The following TNS3 variants were observed in gnomAD, a reference collection of about 807,000 sequenced individuals.
The protein encoded by TNS3 is tensin-3.
In TNS3, 45 loss-of-function variants were observed where a neutral mutation model predicts 140.9. The ratio of observed to expected loss-of-function variants is 0.32; its 90% CI spans 0.25 to 0.41. The LOEUF (loss-of-function observed/expected upper bound fraction) is 0.41, where lower values mean the gene tolerates loss of function less well. Among genes scored for constraint, TNS3 ranks in the 10% least tolerant of loss-of-function variants. The pLI is 1.00. For missense variants in TNS3, 1,716 were observed against 1,906.7 expected (o/e 0.90, Z 1.86); for synonymous variants, 815 against 788.4 (o/e 1.03, Z -0.56).
At chr7:47,485,874 G>A (rs886818075) in intron 3 of TNS3, among the ~76,000 whole-genome samples, 1 of 152,234 alleles carries the variant, frequency 6.6e-6, no homozygotes, top group Admixed American at 6.5e-5. Flanking sequence ...GAGGGGCAGA[G>A]GGACAAGTGC....
At chr7:47,487,966 C>T (rs566984247) in intron 3 of TNS3, among the ~76,000 whole-genome samples, 8 of 152,168 alleles carry the variant, frequency 5.3e-5, no homozygotes, top group Admixed American at 1.3e-4. Flanking sequence ...CAGATACGGA[C>T]GCCAAATATT....
chr7:47,392,598 G>T (rs1182379670), intron 16 of TNS3, among the ~76,000 whole-genome samples: 1 of 152,218 alleles, frequency 6.6e-6, no homozygotes, highest in Non-Finnish European at 1.5e-5. Flanking sequence ...TCAAAGCACT[G>T]GACAGCTCTG....
intron 15 of TNS3, among the ~76,000 whole-genome samples, chr7:47,397,670 G>C (rs1792915677): frequency 1.3e-5 from 2 of 152,112 alleles, no homozygotes; most frequent in East Asian, 3.9e-4. Context: ...AAAACCTCTG[G>C]GATACAGCAA....
chr7:47,489,174 C>G (rs920079061), intron 3 of TNS3, among the ~76,000 whole-genome samples: 3 of 152,136 alleles, frequency 2.0e-5, no homozygotes, highest in African/African-American at 7.2e-5. Flanking sequence ...GCCCGGCAGA[C>G]GCAATTAAAC....
At chr7:47,467,578 C>T (rs1796772063) in intron 4 of TNS3, among the ~76,000 whole-genome samples, 1 of 152,146 alleles carries the variant, frequency 6.6e-6, no homozygotes, top group African/African-American at 2.4e-5. Context: ...TGTCCTGATG[C>T]TGGCAGACTG....
chr7:47,309,998 C>A (rs1289857726), intron 20 of TNS3, among the ~76,000 whole-genome samples: 5 of 152,196 alleles, frequency 3.3e-5, no homozygotes, highest in Non-Finnish European at 5.9e-5. Flanking sequence ...GCCATTTTTC[C>A]TTCTCAGACA....
chr7:47,500,331 G>A (rs746273509), intron 3 of TNS3, among the ~76,000 whole-genome samples: 4 of 152,216 alleles, frequency 2.6e-5, no homozygotes, highest in Non-Finnish European at 5.9e-5. Context: ...GGGAGGAGAA[G>A]GGATGCCCGT....
At chr7:47,523,243 C>T (rs763088065) in intron 2 of TNS3, among the ~76,000 whole-genome samples, 1 of 152,260 alleles carries the variant, frequency 6.6e-6, no homozygotes, top group African/African-American at 2.4e-5. Flanking sequence ...TGAGGCTCCA[C>T]TCACAAAACA....
chr7:47,439,591 T>C lies in TNS3; in HGVS notation c.46A>G (p.Ile16Val), dbSNP rs1795360055. The change falls in exon 6 of 31, where the codon ATC becomes GTC. Residue 16 changes from isoleucine to valine, a missense_variant. This residue lies in a region of TNS3 where 337 missense variants were observed against 428.9 expected (regional missense o/e 0.79). Transcript: ENST00000311160. ...CCGGCAGGGAAGGACACAGCGATGATGCGCTCCGTGATGTAAGTGAGGTCC... is the reference window on the plus strand; with the variant it reads ...CCGGCAGGGAAGGACACAGCGATGACGCGCTCCGTGATGTAAGTGAGGTCC... ...GLDLTYITER[I>V]IAVSFPAGCS... The C allele has an allele frequency of 3.7e-6, 6 of 1,613,992 alleles. No homozygotes were observed. The highest frequency in any genetic ancestry group is 2.7e-5 in the African/African-American group (2 of 74,938).
At chr7:47,326,108 G>A (rs1788012199) in intron 20 of TNS3, among the ~76,000 whole-genome samples, 1 of 152,168 alleles carries the variant, frequency 6.6e-6, no homozygotes, top group African/African-American at 2.4e-5. Context: ...GTAAAATCCT[G>A]TTTATATGAC....
At chr7:47,330,234 G>A (rs1788258513) in intron 20 of TNS3, among the ~76,000 whole-genome samples, 1 of 152,112 alleles carries the variant, frequency 6.6e-6, no homozygotes, top group Non-Finnish European at 1.5e-5. Context: ...AAGCAGGGGT[G>A]CAAATCAGAC....
intron 5 of TNS3, among the ~76,000 whole-genome samples, chr7:47,440,782 G>A (rs1348006135): frequency 6.6e-6 from 1 of 152,226 alleles, no homozygotes; most frequent in African/African-American, 2.4e-5. Flanking sequence ...AGGCATGGGT[G>A]CACGGGACGT....
chr7:47,515,922 G>C (rs1798764028), intron 2 of TNS3, among the ~76,000 whole-genome samples: 1 of 152,158 alleles, frequency 6.6e-6, no homozygotes, highest in Admixed American at 6.5e-5. Flanking sequence ...AGCAGAAAGA[G>C]GCAGAGCAGG....
Position 47,369,191 on chromosome 7 carries a change from G to A in TNS3, c.1455C>T (p.His485=), listed in dbSNP as rs745634291. 1.7e-5 allele frequency: 27 copies of A among 1,613,856 alleles called. No individual in the cohort carries two copies. The Middle Eastern group carries it at 4.9e-4, about 29-fold the overall frequency. ...CAAGGCTGTCCACACTGTGCAGGTC[G>A]TGGTGGGGCATCTCGTCATCCAGAA... is the stretch of plus-strand genomic sequence containing the variant. ...TDILDDEMPH[H]DLHSVDSLGT... The change falls in exon 17 of 31, where the codon CAC becomes CAT. Residue 485 remains histidine, a synonymous_variant. Coordinates refer to ENST00000311160, the MANE Select transcript of TNS3 (RefSeq NM_022748.12).
At chr7:47,494,660 GGTGCACAGACACACACACAGT>G (rs1033769275) in intron 3 of TNS3, among the ~76,000 whole-genome samples, 40 of 152,210 alleles carry the variant, frequency 2.6e-4, no homozygotes, top group African/African-American at 9.6e-4. Context: ...TGGAGTTGAG[GGTGCACAGACACACACACAGT>G]GCGCAGAAAG....
chr7:47,409,156 G>A (rs977779417), intron 13 of TNS3, among the ~76,000 whole-genome samples: 1 of 152,166 alleles, frequency 6.6e-6, no homozygotes, highest in Non-Finnish European at 1.5e-5. Flanking sequence ...AAGAGGAGGA[G>A]GGAGAAGTTT....
intron 11 of TNS3, 69 bp downstream of exon 11, chr7:47,415,025 G>A (rs2151428877): frequency 8.5e-7 from 1 of 1,175,982 alleles, no homozygotes; most frequent in Non-Finnish European, 1.2e-6. Context: ...TATCTAAATT[G>A]AGGGGCCCAG....
At chr7:47,530,858 T>TATATATATATATA (rs60516528) in intron 1 of TNS3, among the ~76,000 whole-genome samples, 31 of 131,598 alleles carry the variant, frequency 2.4e-4, no homozygotes, top group South Asian at 7.9e-4. Context: ...TATATATATA[T>TATATATATATATA]TTCTAGCACA....
intron 20 of TNS3, among the ~76,000 whole-genome samples, chr7:47,322,100 G>A (rs1362046143): frequency 6.6e-6 from 1 of 151,144 alleles, no homozygotes; most frequent in African/African-American, 2.4e-5. Flanking sequence ...TGGTCCCTCA[G>A]CCCCAGGACC....
Sources: gnomAD v4.1 joint callset for allele counts (sites outside exome capture counted in the v4.1 genomes callset) on GRCh38, gnomAD v4.1.1 for gene constraint, gnomAD v4.1.1 regional missense constraint, MANE v1.5 for transcripts, NCBI Gene and HGNC (gene_info 2026-07-23, HGNC 2026-07-21) for gene names.